Variants in DGKI observed in about 807,000 individuals in gnomAD.
DGKI encodes the protein diacylglycerol kinase iota.
A neutral mutation model predicts 147.5 loss-of-function variants in DGKI; 55 were observed. The observed-to-expected ratio is 0.37, with a 90% CI of 0.30 to 0.47. DGKI has a LOEUF of 0.47. Among genes scored for constraint, DGKI ranks in the 20% least tolerant of loss-of-function variants. DGKI has a pLI of 1.00. For synonymous variants in DGKI, 469 were observed against 477.1 expected (o/e 0.98, Z 0.22); for missense variants, 1,007 against 1,323.8 (o/e 0.76, Z 3.71).
intron 30 of DGKI, among the ~76,000 whole-genome samples, chr7:137,407,515 G>A (rs1562999674): frequency 1.3e-5 from 2 of 152,032 alleles, no homozygotes; most frequent in Non-Finnish European, 2.9e-5. Context: ...ATACAGGTGA[G>A]GTAGGGAATC....
At chr7:137,761,282 C>T (rs150776538) in intron 1 of DGKI, among the ~76,000 whole-genome samples, 1 of 152,318 alleles carries the variant, frequency 6.6e-6, no homozygotes, top group African/African-American at 2.4e-5. Flanking sequence ...GTGGTCAACA[C>T]ACAGGACTTC....
At chr7:137,438,549 A>G (rs1263050406) in intron 28 of DGKI, among the ~76,000 whole-genome samples, 5 of 152,182 alleles carry the variant, frequency 3.3e-5, no homozygotes, top group Non-Finnish European at 7.4e-5. Context: ...TATGTGTATA[A>G]TCTACCACCT....
At chr7:137,421,397 T>C (rs1483160995) in intron 28 of DGKI, among the ~76,000 whole-genome samples, 1 of 152,256 alleles carries the variant, frequency 6.6e-6, no homozygotes, top group South Asian at 2.1e-4. Flanking sequence ...GCTAATTAAA[T>C]GCATGAATAT....
At chr7:137,602,936 G>C (rs2128990547) in intron 10 of DGKI, among the ~76,000 whole-genome samples, 1 of 151,034 alleles carries the variant, frequency 6.6e-6, no homozygotes, top group South Asian at 2.1e-4. Context: ...ATCCATGCAT[G>C]CTACTGTAGA....
At chr7:137,432,023 C>G (rs1813095298) in intron 28 of DGKI, among the ~76,000 whole-genome samples, 2 of 152,188 alleles carry the variant, frequency 1.3e-5, no homozygotes, top group Admixed American at 1.3e-4. Context: ...GTGAGTGAGT[C>G]TTCACGAGAT....
At chr7:137,844,151 G>T (rs1798641642) in intron 1 of DGKI, among the ~76,000 whole-genome samples, 1 of 152,202 alleles carries the variant, frequency 6.6e-6, no homozygotes, top group Non-Finnish European at 1.5e-5. Flanking sequence ...CCCTGCTGCA[G>T]GAGTCCAGCA....
intron 1 of DGKI, among the ~76,000 whole-genome samples, chr7:137,830,538 T>C (rs1410225432): frequency 6.6e-6 from 1 of 152,234 alleles, no homozygotes; most frequent in Non-Finnish European, 1.5e-5. Context: ...TAGTGCTGCA[T>C]TTTTATGAAG....
At chr7:137,825,696 A>G (rs994773224) in intron 1 of DGKI, among the ~76,000 whole-genome samples, 4 of 151,818 alleles carry the variant, frequency 2.6e-5, no homozygotes, top group African/African-American at 4.8e-5. Context: ...ACACACACAC[A>G]TACACATACA....
chr7:137,821,426 T>TA (rs1406840588), intron 1 of DGKI, among the ~76,000 whole-genome samples: 15 of 151,946 alleles, frequency 9.9e-5, no homozygotes, highest in Admixed American at 7.2e-4. Context: ...ATGAAATACC[T>TA]AAAAAAACTC....
At chr7:137,504,646 A>G (rs1324671033) in intron 21 of DGKI, among the ~76,000 whole-genome samples, 1 of 152,220 alleles carries the variant, frequency 6.6e-6, no homozygotes, top group Admixed American at 6.5e-5. Context: ...CATTTCCTTA[A>G]GCATCAATTT....
intron 1 of DGKI, among the ~76,000 whole-genome samples, chr7:137,755,501 G>C (rs1795650324): frequency 6.6e-6 from 1 of 152,108 alleles, no homozygotes; most frequent in African/African-American, 2.4e-5. Flanking sequence ...TCTTTGCCTT[G>C]GTCACTCACA....
intron 31 of DGKI, 88 bp downstream of exon 31, chr7:137,397,289 C>T (rs1293273339): frequency 1.4e-5 from 17 of 1,247,546 alleles, no homozygotes; most frequent in Admixed American, 2.3e-5. Context: ...GTTAAAATTA[C>T]CTATGATATG....
chr7:137,564,920 C>T (rs1420438498), intron 19 of DGKI, among the ~76,000 whole-genome samples: 3 of 152,366 alleles, frequency 2.0e-5, no homozygotes, highest in East Asian at 1.9e-4. Flanking sequence ...GCCACAGTCG[C>T]GGCCGGCCCC....
intron 23 of DGKI, among the ~76,000 whole-genome samples, chr7:137,478,233 T>A (rs1020863802): frequency 2.0e-5 from 3 of 152,156 alleles, no homozygotes; most frequent in Admixed American, 2.0e-4. Context: ...ATGCATATTG[T>A]ATGGGTTAAA....
chr7:137,473,161 G>T (rs2128930310), intron 23 of DGKI, among the ~76,000 whole-genome samples: 1 of 152,186 alleles, frequency 6.6e-6, no homozygotes, highest in East Asian at 1.9e-4. Context: ...GCCCATGCCT[G>T]ACTTTTTTAA....
intron 3 of DGKI, among the ~76,000 whole-genome samples, chr7:137,677,254 A>G (rs898588863): frequency 1.3e-5 from 2 of 152,228 alleles, no homozygotes; most frequent in African/African-American, 2.4e-5. Context: ...ACAGGTCTAG[A>G]AACAAAAATA....
At chr7:137,432,850 G>A (rs1398337729) in intron 28 of DGKI, among the ~76,000 whole-genome samples, 1 of 152,164 alleles carries the variant, frequency 6.6e-6, no homozygotes, top group African/African-American at 2.4e-5. Flanking sequence ...AAGGCCAAAG[G>A]GATGTAGTTT....
intron 26 of DGKI, among the ~76,000 whole-genome samples, chr7:137,464,594 G>A (rs546845806): frequency 5.3e-5 from 8 of 152,314 alleles, no homozygotes; most frequent in Admixed American, 2.6e-4. Context: ...GGCTTCCTGA[G>A]AACAGCTTGC....
chr7:137,525,157 T>A (rs1332011408), intron 20 of DGKI, among the ~76,000 whole-genome samples: 2 of 152,128 alleles, frequency 1.3e-5, no homozygotes, highest in African/African-American at 4.8e-5. Context: ...TCACATATGA[T>A]CTCAGTTCAT....
Sources: allele counts gnomAD v4.1 joint callset (sites outside exome capture counted in the v4.1 genomes callset), GRCh38; gene constraint gnomAD v4.1.1; transcripts MANE v1.5; gene names NCBI Gene and HGNC (gene_info 2026-07-23, HGNC 2026-07-21).